ROCK2: variants seen among roughly 807,000 people sequenced by gnomAD.
The protein encoded by ROCK2 is Rho associated coiled-coil containing protein kinase 2, also known as rho-associated protein kinase 2.
In ROCK2, 61 loss-of-function variants were observed where a neutral mutation model predicts 195.1. The observed-to-expected ratio is 0.31, with a 90% CI of 0.25 to 0.39. The LOEUF is 0.39. ROCK2 is among the 10% of genes least tolerant of loss of function. ROCK2 has a pLI of 1.00. For missense variants in ROCK2, 1,109 were observed against 1,637.4 expected (o/e 0.68, Z 5.57); for synonymous variants, 504 against 545.5 (o/e 0.92, Z 1.06).
intron 1 of ROCK2, among the ~76,000 whole-genome samples, chr2:11,331,336 T>C (rs1013007050): frequency 2.6e-5 from 4 of 152,122 alleles, no homozygotes; most frequent in Admixed American, 1.3e-4. Context: ...TTTGTATCTG[T>C]AAGGCAAATT....
In ROCK2 at chr2:11,344,543, G is replaced by GGCC. The variant is rs1428230372; in HGVS notation, c.-410_-408dup. The GGCC allele has an allele frequency of 5.2e-6, 5 of 962,600 alleles. No homozygotes were observed. The South Asian group carries it at 2.4e-4, about 46-fold the overall frequency. 59.6% of individuals were successfully genotyped at this position (962,600 alleles called of 1,614,324 possible). ...CTGAAGCCCAGGCCTGGGCCACTAC[G>GGCC]GCCGCCGCCGGCCCGCTGCCATGGT... is the stretch of plus-strand genomic sequence containing the variant. On this transcript the variant is annotated 5_prime_UTR_variant, in exon 1 of 33. Transcript: ENST00000315872. This position sits in a 1 kb window ranked among gnomAD's most constrained non-coding sequence, Gnocchi z 5.4.
At chr2:11,259,309 G>GC (rs1666141425) in intron 3 of ROCK2, among the ~76,000 whole-genome samples, 1 of 150,982 alleles carries the variant, frequency 6.6e-6, no homozygotes, top group African/African-American at 2.5e-5. Flanking sequence ...CCAGACTGAA[G>GC]TATCTTTGCA....
At chr2:11,261,568 C>T (rs1481662211) in intron 3 of ROCK2, among the ~76,000 whole-genome samples, 1 of 152,150 alleles carries the variant, frequency 6.6e-6, no homozygotes. Flanking sequence ...CCTGTAATCC[C>T]AACACTTTGG....
chr2:11,328,643 A>G (rs1473564238), intron 1 of ROCK2, among the ~76,000 whole-genome samples: 1 of 152,200 alleles, frequency 6.6e-6, no homozygotes, highest in Non-Finnish European at 1.5e-5. Context: ...AACTATTCAC[A>G]ACAGCAAAGA....
At chr2:11,208,647 G>A (rs1664142650) in intron 18 of ROCK2, among the ~76,000 whole-genome samples, 200 bp from the exon 19 acceptor site, 1 of 149,800 alleles carries the variant, frequency 6.7e-6, no homozygotes, top group Admixed American at 6.7e-5. Flanking sequence ...GCCCAGGCCG[G>A]AGTGCAGTGA....
At chr2:11,342,452 A>G (rs1265962612) in intron 1 of ROCK2, among the ~76,000 whole-genome samples, 2 of 152,242 alleles carry the variant, frequency 1.3e-5, no homozygotes, top group Non-Finnish European at 2.9e-5. Context: ...AACTCTAATA[A>G]TTATGATTAA....
chr2:11,312,645 TTCC>T (rs1668072581), intron 1 of ROCK2, among the ~76,000 whole-genome samples: 2 of 152,164 alleles, frequency 1.3e-5, no homozygotes. Context: ...AGAATAGATG[TTCC>T]TCAACTTATG....
chr2:11,199,764 T>G (rs1472966568), intron 23 of ROCK2, among the ~76,000 whole-genome samples: 1 of 152,226 alleles, frequency 6.6e-6, no homozygotes, highest in African/African-American at 2.4e-5. Flanking sequence ...ATGCATGCAT[T>G]CATTCATTCA....
intron 1 of ROCK2, among the ~76,000 whole-genome samples, chr2:11,324,767 G>C (rs575265319): frequency 6.6e-6 from 1 of 152,344 alleles, no homozygotes; most frequent in South Asian, 2.1e-4. Flanking sequence ...CATAGTAAGA[G>C]ATGTATGTCT....
In ROCK2 at chr2:11,192,517, G is replaced by A. The variant is rs201228597; in HGVS notation, c.3883C>T (p.Arg1295Cys). 7 of 1,614,026 alleles carry A rather than the reference G, an allele frequency of 4.3e-6. No individual in the cohort carries two copies. The highest frequency in any genetic ancestry group is 1.7e-4 in the Middle Eastern group (1 of 6,048). ...TCTTTATGACACTTAATATGGCAACGGCGGCACTCCAAAGCAGGAGGAGGC... is the reference window on the plus strand; with the variant it reads ...TCTTTATGACACTTAATATGGCAACAGCGGCACTCCAAAGCAGGAGGAGGC... ...FKPPPALECRRCHIKCHKDHM... is the reference protein window; with the variant it reads ...FKPPPALECRCCHIKCHKDHM... The change falls in exon 31 of 33, where the codon CGT becomes TGT. Residue 1295 changes from arginine (R) to cysteine (C), a missense_variant. Around this residue, in one of 6 missense-constraint regions of ROCK2, gnomAD observed 221 missense variants for 355.1 expected, o/e 0.62. Transcript: ENST00000315872. This position sits in a 1 kb window ranked among gnomAD's most constrained non-coding sequence, Gnocchi z 5.0.
intron 4 of ROCK2, among the ~76,000 whole-genome samples, chr2:11,239,053 G>C (rs866414377): frequency 1.7e-4 from 25 of 151,228 alleles, no homozygotes; most frequent in African/African-American, 5.8e-4. Flanking sequence ...CACACCATAA[G>C]TCAAAAATTA....
intron 1 of ROCK2, among the ~76,000 whole-genome samples, chr2:11,290,773 T>G (rs1420946413): frequency 6.6e-6 from 1 of 152,068 alleles, no homozygotes; most frequent in East Asian, 1.9e-4. Context: ...CCAGACTGAT[T>G]ACGAGAAAAT....
At chr2:11,242,083 T>C (rs1665446304) in intron 4 of ROCK2, among the ~76,000 whole-genome samples, 1 of 152,198 alleles carries the variant, frequency 6.6e-6, no homozygotes, top group African/African-American at 2.4e-5. Context: ...GCCAGGACTT[T>C]GATCTTGGAC....
chr2:11,214,272 G>C, intron 17 of ROCK2, 85 bp downstream of exon 17: 1 of 713,450 alleles, frequency 1.4e-6, no homozygotes, highest in South Asian at 1.8e-5. Flanking sequence ...ATTCCAGTTA[G>C]TGACTTCCCT....
chr2:11,185,811 G>A (rs1357858240), intron 32 of ROCK2, among the ~76,000 whole-genome samples: 1 of 151,986 alleles, frequency 6.6e-6, no homozygotes, highest in Non-Finnish European at 1.5e-5. Flanking sequence ...AAACTGTGGT[G>A]TTCATGAATC....
chr2:11,213,002 T>C (rs1664300371), intron 17 of ROCK2, among the ~76,000 whole-genome samples: 1 of 152,212 alleles, frequency 6.6e-6, no homozygotes, highest in South Asian at 2.1e-4. Context: ...AGCATCACTA[T>C]ATATCTTGTC....
chr2:11,331,798 C>T (rs775111388), intron 1 of ROCK2, among the ~76,000 whole-genome samples: 7 of 152,102 alleles, frequency 4.6e-5, no homozygotes, highest in African/African-American at 7.2e-5. Context: ...TGGTGGCAGG[C>T]GCCTGTAATT....
chr2:11,214,335 A>C (rs1301120014), intron 17 of ROCK2, 22 bp downstream of exon 17: 1 of 1,377,214 alleles, frequency 7.3e-7, no homozygotes, highest in Admixed American at 2.0e-5. Flanking sequence ...TTTCTTATGC[A>C]AAAATATAAA....
At chr2:11,261,674 G>A (rs752461766) in intron 3 of ROCK2, among the ~76,000 whole-genome samples, 30 of 152,186 alleles carry the variant, frequency 2.0e-4, no homozygotes, top group Non-Finnish European at 3.2e-4. Flanking sequence ...AAAATTAGGC[G>A]GGCGTGGTGG....
Sources: allele counts gnomAD v4.1 joint callset (sites outside exome capture counted in the v4.1 genomes callset), GRCh38; gene constraint gnomAD v4.1.1; regional missense constraint gnomAD v4.1.1; non-coding constraint Gnocchi (gnomAD v3.1); transcripts MANE v1.5; gene names NCBI Gene and HGNC (gene_info 2026-07-23, HGNC 2026-07-21).